ITPR1: variants seen among roughly 807,000 people sequenced by gnomAD.
The protein encoded by ITPR1 is inositol 1,4,5-trisphosphate-gated calcium channel ITPR1.
Under a neutral mutation model 318.4 loss-of-function variants are expected in ITPR1, and 96 were observed. That is an observed-to-expected ratio of 0.30 (90% CI 0.26 to 0.36). The LOEUF (loss-of-function observed/expected upper bound fraction) is 0.36, where lower values mean the gene tolerates loss of function less well. Ranked by LOEUF, ITPR1 falls within the 10% of genes least tolerant of loss-of-function variation. ITPR1 has a pLI of 1.00. For missense variants in ITPR1, 2,440 were observed against 3,460.2 expected, an observed-to-expected ratio of 0.71 and a Z score of 7.40; for synonymous variants, 1,312 against 1,289.9, an observed-to-expected ratio of 1.02 and a Z score of -0.37.
At chr3:4,572,640 G>A (rs2125039007) in intron 4 of ITPR1, among the ~76,000 whole-genome samples, 1 of 152,320 alleles carries the variant, frequency 6.6e-6, no homozygotes, top group Admixed American at 6.5e-5. Context: ...TAAGTGTAAA[G>A]TTCAGGAGTG....
At chr3:4,567,122 A>G (rs1291670717) in intron 4 of ITPR1, among the ~76,000 whole-genome samples, 1 of 152,176 alleles carries the variant, frequency 6.6e-6, no homozygotes, top group Non-Finnish European at 1.5e-5. Context: ...GAGTTAAACA[A>G]GTTGATATGT....
Position 4,645,594 on chromosome 3 carries a change from A to C in ITPR1, c.721A>C (p.Arg241=). ...DDILKGGDVV[R]LFHAEQEKFL... ...TGTTGACTGTCAGGGTGACGTGGTG[A>C]GGCTGTTTCATGCTGAGCAGGAGAA... The change falls in exon 10 of 62, where the codon AGG becomes CGG. Residue 241 remains arginine, a synonymous_variant. Coordinates refer to ENST00000649015, the MANE Select transcript of ITPR1 (RefSeq NM_001378452.1). The C allele has an allele frequency of 4.3e-6, 7 of 1,613,290 alleles. No homozygotes were observed. The highest frequency in any genetic ancestry group is 5.1e-6 in the Non-Finnish European group (6 of 1,179,652).
chr3:4,663,763 C>G (rs2093887804), intron 16 of ITPR1, among the ~76,000 whole-genome samples: 1 of 152,184 alleles, frequency 6.6e-6, no homozygotes, highest in South Asian at 2.1e-4. Context: ...AAATATCTTA[C>G]AGAATAGTTT....
At chr3:4,737,878 A>G (rs998614248) in intron 44 of ITPR1, among the ~76,000 whole-genome samples, 2 of 152,186 alleles carry the variant, frequency 1.3e-5, no homozygotes, top group African/African-American at 2.4e-5. Context: ...GACTGTGCAC[A>G]TGTTTAAAAC....
chr3:4,523,117 T>G (rs1311604127), intron 4 of ITPR1, among the ~76,000 whole-genome samples: 1 of 152,186 alleles, frequency 6.6e-6, no homozygotes, highest in Non-Finnish European at 1.5e-5. Context: ...CTGATCTAGG[T>G]TTCGCTTTTG....
intron 4 of ITPR1, among the ~76,000 whole-genome samples, chr3:4,561,167 T>G (rs539184458): frequency 9.6e-4 from 146 of 152,360 alleles, no homozygotes; most frequent in African/African-American, 3.3e-3. Context: ...TCGTTTTGAA[T>G]AAATAGTCTC....
In ITPR1 at chr3:4,768,579, A is replaced by C; in HGVS notation, c.5794A>C (p.Arg1932=). 1 of 1,614,028 alleles carries C rather than the reference A, an allele frequency of 6.2e-7. No homozygotes were observed. Among genetic ancestry groups the C allele is most frequent in the Admixed American group, 1.7e-5 (1 of 60,030 alleles). ...GCTCCTGGAGGCCTCCGCTGCCACC[A>C]GGAAAGCCTTCACCACTTTCAGGAG... ...DQLLEASAAT[R]KAFTTFRREA... is the part of the protein sequence containing the mutation. The change falls in exon 46 of 62, where the codon AGG becomes CGG. Residue 1932 remains arginine, a synonymous_variant. Transcript: ENST00000649015.
At chr3:4,728,426 T>A (rs909396921) in intron 42 of ITPR1, among the ~76,000 whole-genome samples, 2 of 152,212 alleles carry the variant, frequency 1.3e-5, no homozygotes, top group African/African-American at 4.8e-5. Context: ...GGAACTATGG[T>A]CGTCGGTGTC....
At chr3:4,604,883 C>T (rs540741015) in intron 4 of ITPR1, among the ~76,000 whole-genome samples, 8 of 152,132 alleles carry the variant, frequency 5.3e-5, no homozygotes, top group South Asian at 2.1e-4. Context: ...ATATGATGCC[C>T]GGGGTAGGAC....
intron 36 of ITPR1, among the ~76,000 whole-genome samples, chr3:4,704,183 C>A (rs111329148): frequency 2.6e-5 from 4 of 152,126 alleles, no homozygotes; most frequent in Non-Finnish European, 5.9e-5. Context: ...GAGGCTGAGA[C>A]GGGCAGATCA....
intron 19 of ITPR1, 52 bp downstream of exon 19, chr3:4,669,825 G>A (rs1264835858): frequency 1.3e-6 from 2 of 1,516,996 alleles, no homozygotes; most frequent in African/African-American, 1.4e-5. Flanking sequence ...ATTCAGTGTT[G>A]GTGCTCATGA....
chr3:4,782,792 A>T (rs759366002), intron 50 of ITPR1, 51 bp downstream of exon 50: 11 of 1,405,116 alleles, frequency 7.8e-6, no homozygotes, highest in Non-Finnish European at 1.0e-5. Context: ...ACAGGTCCAA[A>T]ATTCCGAGCT....
chr3:4,831,824 G>A (rs2050536840), intron 60 of ITPR1, among the ~76,000 whole-genome samples: 1 of 152,224 alleles, frequency 6.6e-6, no homozygotes, highest in Non-Finnish European at 1.5e-5. Flanking sequence ...CTTAGCTAGA[G>A]AGAAAGTAAT....
intron 49 of ITPR1, among the ~76,000 whole-genome samples, chr3:4,781,826 A>G (rs183827705): frequency 6.6e-6 from 1 of 152,186 alleles, no homozygotes; most frequent in Non-Finnish European, 1.5e-5. Context: ...TTACAAAAAA[A>G]TAAAGCATTA....
At chr3:4,737,890 C>A (rs1299516895) in intron 44 of ITPR1, among the ~76,000 whole-genome samples, 1 of 152,174 alleles carries the variant, frequency 6.6e-6, no homozygotes, top group African/African-American at 2.4e-5. Flanking sequence ...GTTTAAAACT[C>A]CGTGATCGTA....
At chr3:4,819,172 T>C (rs2049511087) in intron 60 of ITPR1, among the ~76,000 whole-genome samples, 1 of 152,250 alleles carries the variant, frequency 6.6e-6, no homozygotes, top group Non-Finnish European at 1.5e-5. Flanking sequence ...AGTATCATCA[T>C]TGACAGGCCT....
chr3:4,814,740 C>T (rs887153516), intron 58 of ITPR1, 178 bp downstream of exon 58: 4 of 653,966 alleles, frequency 6.1e-6, no homozygotes, highest in Non-Finnish European at 2.6e-6. Flanking sequence ...GAGGTGGTGC[C>T]GCAAAGTCAG....
intron 5 of ITPR1, among the ~76,000 whole-genome samples, chr3:4,628,762 G>T (rs2092921682): frequency 6.6e-6 from 1 of 152,192 alleles, no homozygotes; most frequent in Admixed American, 6.5e-5. Flanking sequence ...CTACAACAAG[G>T]TTGGGCACTT....
rs141608395 is a variant in ITPR1 at position 4,497,979 on chromosome 3, A to C, written c.-17+3473A>C. On this transcript the variant is annotated intron_variant, in intron 2 of 61. Coordinates refer to ENST00000649015, the MANE Select transcript of ITPR1 (RefSeq NM_001378452.1). ...ACATATTTTATGATTTTTCTTATAGAGGCATCTAGAGTAGTCAGATCCCTG... is the reference window on the plus strand; with the variant it reads ...ACATATTTTATGATTTTTCTTATAGCGGCATCTAGAGTAGTCAGATCCCTG... Among the ~76,000 whole-genome samples, 1,050 of 152,350 alleles carry C rather than the reference A, an allele frequency of 6.9e-3. 12 individuals carry two copies. The highest frequency in any genetic ancestry group is 0.023 in the African/African-American group (971 of 41,586).
Sources: allele counts gnomAD v4.1 joint callset (sites outside exome capture counted in the v4.1 genomes callset), GRCh38; gene constraint gnomAD v4.1.1; transcripts MANE v1.5; gene names NCBI Gene and HGNC (gene_info 2026-07-23, HGNC 2026-07-21).